Variants in FAF1 observed in about 807,000 individuals in gnomAD.
FAF1 encodes the protein FAS-associated factor 1.
FAF1 carries 25 observed loss-of-function variants against 92.5 expected under a neutral mutation model. The ratio of observed to expected loss-of-function variants is 0.27; its 90% CI spans 0.20 to 0.38. The LOEUF is 0.38. Among genes scored for constraint, FAF1 ranks in the 10% least tolerant of loss-of-function variants. The pLI, the probability that FAF1 is intolerant of heterozygous loss-of-function variation, is 1.00. For missense variants in FAF1, 636 were observed against 793.3 expected, an observed-to-expected ratio of 0.80 and a Z score of 2.38; for synonymous variants, 234 against 273.2, an observed-to-expected ratio of 0.86 and a Z score of 1.42.
intron 4 of FAF1, among the ~76,000 whole-genome samples, chr1:50,769,976 G>A (rs564344462): frequency 1.8e-4 from 27 of 152,186 alleles, no homozygotes; most frequent in South Asian, 1.5e-3. Context: ...ACTTGAACCC[G>A]GGAGGCGGAC....
chr1:50,525,721 C>T (rs1647755797), intron 15 of FAF1, among the ~76,000 whole-genome samples: 1 of 151,964 alleles, frequency 6.6e-6, no homozygotes, highest in Non-Finnish European at 1.5e-5. Flanking sequence ...TGAGGAAGTT[C>T]CCTTTTTTTC....
chr1:50,476,051 A>C (rs1044311663), intron 17 of FAF1, among the ~76,000 whole-genome samples: 1 of 152,200 alleles, frequency 6.6e-6, no homozygotes, highest in South Asian at 2.1e-4. Flanking sequence ...TGCATTCAGA[A>C]AAGACACACA....
At chr1:50,892,868 G>A (rs1306807851) in intron 1 of FAF1, among the ~76,000 whole-genome samples, 1 of 152,086 alleles carries the variant, frequency 6.6e-6, no homozygotes, top group Non-Finnish European at 1.5e-5. Context: ...ATGAAGGCAT[G>A]CTTCATTCTT....
At chr1:50,621,077 C>T (rs951000601) in intron 8 of FAF1, among the ~76,000 whole-genome samples, 1 of 152,266 alleles carries the variant, frequency 6.6e-6, no homozygotes, top group Non-Finnish European at 1.5e-5. Flanking sequence ...ATGGTGGGGG[C>T]TCCTCCCCTG....
At chr1:50,484,251 AAAGT>A (rs941718269) in intron 17 of FAF1, among the ~76,000 whole-genome samples, 24 of 152,268 alleles carry the variant, frequency 1.6e-4, no homozygotes, top group Admixed American at 1.4e-3. Flanking sequence ...ATTTCTGGAT[AAAGT>A]AAGTAAGGCA....
intron 1 of FAF1, among the ~76,000 whole-genome samples, chr1:50,919,099 GT>G (rs1466415749): frequency 6.6e-6 from 1 of 152,050 alleles, no homozygotes; most frequent in Non-Finnish European, 1.5e-5. Context: ...TAATAATTTT[GT>G]TTTATACTCT....
At chr1:50,646,359 T>C (rs1243684357) in intron 8 of FAF1, among the ~76,000 whole-genome samples, 1 of 152,228 alleles carries the variant, frequency 6.6e-6, no homozygotes, top group Non-Finnish European at 1.5e-5. Flanking sequence ...GATAACTTAA[T>C]TTTTATTAGA....
intron 12 of FAF1, among the ~76,000 whole-genome samples, chr1:50,576,643 C>G (rs972314081): frequency 4.2e-5 from 6 of 141,992 alleles, no homozygotes; most frequent in African/African-American, 5.5e-5. Flanking sequence ...GCCCCCCCCC[C>G]GCCACCACCC....
chr1:50,872,730 C>T (rs1327025429), intron 1 of FAF1, among the ~76,000 whole-genome samples: 1 of 151,992 alleles, frequency 6.6e-6, no homozygotes, highest in Admixed American at 6.6e-5. Context: ...AACCCTATCT[C>T]TACTAAAAAT....
Position 50,596,179 on chromosome 1 carries a change from T to C in FAF1, c.782A>G (p.His261Arg). 4 of 1,613,996 alleles carry C rather than the reference T, an allele frequency of 2.5e-6. No homozygotes were observed. The highest frequency in any genetic ancestry group is 1.1e-5 in the South Asian group (1 of 91,066). The stretch of plus-strand genomic sequence containing the variant: ...AGATCTTCTTCCCACTGTAAGTCGA[T>C]GGCAGGGATAAGAGAGCCCTGATTC... ...LAESGLSYPC[H>R]RLTVGRRSSP... Residue 261 changes from histidine to arginine, a missense_variant, in exon 9 of 19, where the codon CAT (histidine) becomes CGT (arginine). Physicochemically the swap from His to Arg is conservative, Grantham distance 29. This residue lies in a region of FAF1 where 317 missense variants were observed against 342.4 expected (regional missense o/e 0.93). Transcript: ENST00000396153.
intron 1 of FAF1, among the ~76,000 whole-genome samples, chr1:50,919,329 C>G (rs1190939392): frequency 2.0e-5 from 3 of 151,302 alleles, no homozygotes; most frequent in Non-Finnish European, 4.4e-5. Context: ...ACACAAAGAG[C>G]ATCAGAAATA....
intron 7 of FAF1, among the ~76,000 whole-genome samples, chr1:50,666,979 G>A (rs1429409820): frequency 6.6e-6 from 1 of 152,338 alleles, no homozygotes; most frequent in Admixed American, 6.5e-5. Context: ...CACAGCTGCT[G>A]TGCTGCAATG....
intron 1 of FAF1, among the ~76,000 whole-genome samples, chr1:50,881,605 A>T (rs1644612745): frequency 6.6e-6 from 1 of 152,204 alleles, no homozygotes; most frequent in African/African-American, 2.4e-5. Context: ...AAATACTTCC[A>T]TACATGTCAG....
chr1:50,696,022 A>G (rs981958921), intron 7 of FAF1, among the ~76,000 whole-genome samples: 5 of 151,174 alleles, frequency 3.3e-5, no homozygotes, highest in Non-Finnish European at 5.9e-5. Flanking sequence ...ATATTATTTA[A>G]GATTCTCCAC....
chr1:50,487,933 T>C (rs1404639788), intron 17 of FAF1, among the ~76,000 whole-genome samples: 2 of 152,200 alleles, frequency 1.3e-5, no homozygotes, highest in African/African-American at 2.4e-5. Flanking sequence ...TCTCAGTTTC[T>C]TCAGAGGTTG....
chr1:50,568,986 C>T (rs924404027), intron 12 of FAF1, among the ~76,000 whole-genome samples: 2 of 152,152 alleles, frequency 1.3e-5, no homozygotes, highest in African/African-American at 4.8e-5. Context: ...TGTTGAAATG[C>T]TCTTTGTGTC....
chr1:50,445,189 C>A (rs1646214275), intron 18 of FAF1, among the ~76,000 whole-genome samples: 1 of 152,108 alleles, frequency 6.6e-6, no homozygotes, highest in Non-Finnish European at 1.5e-5. Flanking sequence ...GTCACCCAGG[C>A]ACTGTATATT....
At chr1:50,682,710 T>C (rs189111926) in intron 7 of FAF1, among the ~76,000 whole-genome samples, 26 of 152,318 alleles carry the variant, frequency 1.7e-4, no homozygotes, top group Middle Eastern at 3.4e-3. Flanking sequence ...CTTCAGGTAC[T>C]ATAACTAACA....
At chr1:50,580,637 T>C (rs1416086645) in intron 12 of FAF1, among the ~76,000 whole-genome samples, 1 of 152,130 alleles carries the variant, frequency 6.6e-6, no homozygotes, top group African/African-American at 2.4e-5. Context: ...AAAGCTGTTA[T>C]TACAGGATTA....
Sources: gnomAD v4.1 joint callset for allele counts (sites outside exome capture counted in the v4.1 genomes callset) on GRCh38, gnomAD v4.1.1 for gene constraint, gnomAD v4.1.1 regional missense constraint, MANE v1.5 for transcripts, NCBI Gene and HGNC (gene_info 2026-07-23, HGNC 2026-07-21) for gene names.